The following NXPE4 variants were observed in gnomAD, a reference collection of about 807,000 sequenced individuals.
The protein encoded by NXPE4 is NXPE family member 4.
In NXPE4, 42 loss-of-function variants were observed where a neutral mutation model predicts 33.3. The observed-to-expected ratio is 1.26, with a 90% confidence interval of 0.98 to 1.63. NXPE4 has a LOEUF of 1.63. Ranked by LOEUF, NXPE4 falls within the 40% of genes most tolerant of loss-of-function variation. The pLI, the probability that NXPE4 is intolerant of heterozygous loss-of-function variation, is 0.00. For missense variants in NXPE4, 709 were observed against 647.6 expected (o/e 1.09, Z -1.03); for synonymous variants, 253 against 234.9 (o/e 1.08, Z -0.71).
the NXPE4 span, among the ~76,000 whole-genome samples, chr11:114,675,675 C>A: frequency 4.0e-5 from 6 of 151,788 alleles, no homozygotes; most frequent in African/African-American, 1.4e-4. Context: ...CCATACTGCC[C>A]AAAACATTCT....
chr11:114,580,859 A>C (rs936487880), intron 4 of NXPE4, among the ~76,000 whole-genome samples: 4 of 152,226 alleles, frequency 2.6e-5, no homozygotes, highest in Non-Finnish European at 4.4e-5. Context: ...TTAGAGGTCC[A>C]AGATGGGCCA....
chr11:114,584,859 T>A (rs1188998305), intron 2 of NXPE4, among the ~76,000 whole-genome samples: 2 of 152,158 alleles, frequency 1.3e-5, no homozygotes, highest in Admixed American at 6.5e-5. Flanking sequence ...CCAGGGCAGC[T>A]GTGCTGGGTG....
the NXPE4 span, among the ~76,000 whole-genome samples, chr11:114,613,610 G>A: frequency 6.6e-6 from 1 of 151,932 alleles, no homozygotes; most frequent in African/African-American, 2.4e-5. Flanking sequence ...ATTGCCTCAT[G>A]GGTAACCACT....
chr11:114,664,661 G>C, the NXPE4 span, among the ~76,000 whole-genome samples: 1 of 152,208 alleles, frequency 6.6e-6, no homozygotes, highest in Middle Eastern at 3.4e-3. Flanking sequence ...AACTTGTGAG[G>C]GTTTGACTTA....
chr11:114,620,120 G>A, the NXPE4 span, among the ~76,000 whole-genome samples: 8 of 151,324 alleles, frequency 5.3e-5, no homozygotes, highest in South Asian at 2.1e-4. Context: ...TGGATAATAC[G>A]TATTTCCTCG....
At chr11:114,607,727 G>T in the NXPE4 span, among the ~76,000 whole-genome samples, 4 of 151,982 alleles carry the variant, frequency 2.6e-5, no homozygotes, top group Admixed American at 6.6e-5. Context: ...TTGCCTCGTG[G>T]GTAACCACAG....
the NXPE4 span, among the ~76,000 whole-genome samples, chr11:114,663,667 CATCT>C: frequency 1.5e-4 from 13 of 84,570 alleles, no homozygotes; most frequent in African/African-American, 3.0e-4. Flanking sequence ...ATTTATCTAT[CATCT>C]ATCTATTTAT....
the NXPE4 span, among the ~76,000 whole-genome samples, chr11:114,669,486 T>C: frequency 2.0e-5 from 3 of 152,214 alleles, no homozygotes; most frequent in Admixed American, 2.0e-4. Flanking sequence ...AGAGGTTCTA[T>C]TCTACCCAAG....
the NXPE4 span, among the ~76,000 whole-genome samples, chr11:114,672,126 C>A: frequency 6.9e-4 from 105 of 151,914 alleles, no homozygotes; most frequent in Non-Finnish European, 7.5e-4. Context: ...ACAAGAACAG[C>A]AAGGGGGAAG....
At chr11:114,638,172 C>CT in the NXPE4 span, among the ~76,000 whole-genome samples, 1 of 151,784 alleles carries the variant, frequency 6.6e-6, no homozygotes, top group African/African-American at 2.4e-5. Flanking sequence ...TCTTTTTATT[C>CT]TTTTTTCTCT....
intron 2 of NXPE4, among the ~76,000 whole-genome samples, chr11:114,591,355 A>C (rs540127777): frequency 8.5e-5 from 13 of 152,338 alleles, no homozygotes; most frequent in Admixed American, 6.5e-4. Context: ...TGAATCTACT[A>C]TAAATTACCA....
At position 114,582,650 on chromosome 11, in the gene NXPE4, A is replaced by C. The variant is rs1341637576; in HGVS notation, c.468T>G (p.Thr156=). ...ALMAGASGKV[T]DFNNGTYLVS... is the part of the protein sequence containing the mutation. The stretch of plus-strand genomic sequence containing the variant: ...CCAGGTAGGTGCCGTTGTTGAAGTC[A>C]GTCACCTTTCCTGAAGCACCTGCCA... The change falls in exon 3 of 6, where the codon ACT becomes ACG. Residue 156 remains threonine (T), a synonymous_variant. Coordinates refer to ENST00000375478, the MANE Select transcript of NXPE4 (RefSeq NM_001077639.2). 1 of 1,614,160 alleles carries C rather than the reference A, an allele frequency of 6.2e-7. No individual in the cohort carries two copies. Among genetic ancestry groups the C allele is most frequent in the Admixed American group, 1.7e-5 (1 of 60,024 alleles).
chr11:114,667,638 G>A, the NXPE4 span, among the ~76,000 whole-genome samples: 2 of 152,100 alleles, frequency 1.3e-5, no homozygotes, highest in Non-Finnish European at 2.9e-5. Flanking sequence ...AAAACCAGCT[G>A]CCACATCATG....
At chr11:114,626,125 G>T in the NXPE4 span, among the ~76,000 whole-genome samples, 1 of 152,182 alleles carries the variant, frequency 6.6e-6, no homozygotes, top group South Asian at 2.1e-4. Flanking sequence ...GCCCAGGCTT[G>T]CTTAGGTAAA....
upstream of NXPE4, among the ~76,000 whole-genome samples, chr11:114,597,489 A>G (rs146800928): frequency 3.7e-3 from 560 of 152,320 alleles, 5 homozygotes; most frequent in African/African-American, 0.012. Context: ...ATCAGTATGC[A>G]CTCAGTTTTT....
chr11:114,600,846 A>G, the NXPE4 span, among the ~76,000 whole-genome samples: 1 of 152,228 alleles, frequency 6.6e-6, no homozygotes, highest in Admixed American at 6.6e-5. Flanking sequence ...CCTCTATACT[A>G]TTTTGAAACT....
At chr11:114,611,898 C>T in the NXPE4 span, among the ~76,000 whole-genome samples, 2 of 151,678 alleles carry the variant, frequency 1.3e-5, no homozygotes, top group East Asian at 1.9e-4. Context: ...TGGGTAAACA[C>T]CATTACCTGC....
At chr11:114,663,996 A>G in the NXPE4 span, among the ~76,000 whole-genome samples, 2 of 152,176 alleles carry the variant, frequency 1.3e-5, no homozygotes, top group Non-Finnish European at 2.9e-5. Context: ...AGTTTCTTAT[A>G]ATGTTAAAAC....
chr11:114,585,076 C>G (rs1416075065), intron 2 of NXPE4, among the ~76,000 whole-genome samples: 1 of 152,028 alleles, frequency 6.6e-6, no homozygotes, highest in Admixed American at 6.5e-5. Context: ...TTGCCCTGTT[C>G]TTTTCAGCTC....
Sources: allele counts gnomAD v4.1 joint callset (sites outside exome capture counted in the v4.1 genomes callset), GRCh38; gene constraint gnomAD v4.1.1; transcripts MANE v1.5; gene names NCBI Gene and HGNC (gene_info 2026-07-23, HGNC 2026-07-21).